The following SLIT2 variants were observed in gnomAD, a reference collection of about 807,000 sequenced individuals.
SLIT2 encodes slit homolog 2 protein.
In SLIT2, 41 loss-of-function variants were observed where a neutral mutation model predicts 185.7. That is an observed-to-expected ratio of 0.22 (90% CI 0.17 to 0.29). The LOEUF is 0.29. Among genes scored for constraint, SLIT2 ranks in the 10% least tolerant of loss-of-function variants. SLIT2 has a pLI of 1.00. For synonymous variants in SLIT2, 693 were observed against 680.2 expected, an observed-to-expected ratio of 1.02 and a Z score of -0.29; for missense variants, 1,571 against 1,909.0, an observed-to-expected ratio of 0.82 and a Z score of 3.30.
At chr4:20,456,884 A>G (rs1713127834) in intron 4 of SLIT2, among the ~76,000 whole-genome samples, 1 of 152,106 alleles carries the variant, frequency 6.6e-6, no homozygotes, top group Non-Finnish European at 1.5e-5. Context: ...CGGTATTTAT[A>G]TTAACTTACA....
At chr4:20,326,506 A>G (rs1487575663) in intron 4 of SLIT2, among the ~76,000 whole-genome samples, 1 of 151,658 alleles carries the variant, frequency 6.6e-6, no homozygotes, top group East Asian at 1.9e-4. Flanking sequence ...CTCATTTCCA[A>G]CTTTGTGCTT....
intron 4 of SLIT2, among the ~76,000 whole-genome samples, chr4:20,366,820 C>T (rs1560357819): frequency 6.6e-6 from 1 of 150,870 alleles, no homozygotes; most frequent in Non-Finnish European, 1.5e-5. Context: ...ATTTTTGAAA[C>T]AGGGTCTCAC....
At chr4:20,426,459 A>G (rs1250403883) in intron 4 of SLIT2, among the ~76,000 whole-genome samples, 1 of 152,228 alleles carries the variant, frequency 6.6e-6, no homozygotes, top group Non-Finnish European at 1.5e-5. Flanking sequence ...ATATTTCACT[A>G]GATTTAGCAG....
Position 20,524,010 on chromosome 4 carries a change from A to C in SLIT2, c.1275-4A>C. The C allele has an allele frequency of 6.2e-7, 1 of 1,614,146 alleles. No homozygotes were observed. Among genetic ancestry groups the C allele is most frequent in the Admixed American group, 1.7e-5 (1 of 60,032 alleles). ...ATAAAACTGTTCTGTATGTGTTTCC[A>C]AAGGCATTTGGCCCAGAACCCCTTT... is the stretch of plus-strand genomic sequence containing the variant. On this transcript the variant is annotated splice_region_variant and splice_polypyrimidine_tract_variant and intron_variant, in intron 13 of 36. Coordinates refer to ENST00000504154, the MANE Select transcript of SLIT2 (RefSeq NM_004787.4).
intron 4 of SLIT2, among the ~76,000 whole-genome samples, chr4:20,386,004 A>G (rs892450769): frequency 5.3e-5 from 8 of 152,200 alleles, no homozygotes; most frequent in African/African-American, 1.7e-4. Context: ...AATTTCAACT[A>G]GTTATAACGG....
intron 26 of SLIT2, among the ~76,000 whole-genome samples, chr4:20,566,002 C>T (rs1251193621): frequency 3.3e-5 from 5 of 151,942 alleles, no homozygotes; most frequent in Non-Finnish European, 5.9e-5. Context: ...TTCATGTTCT[C>T]TTACATACAT....
chr4:20,374,065 C>G lies in SLIT2; in HGVS notation c.396-93687C>G, dbSNP rs905351572. Among the ~76,000 whole-genome samples the G allele has an allele frequency of 3.3e-5, 5 of 152,058 alleles. No individual in the cohort carries two copies. The East Asian group carries it at 9.7e-4, about 29-fold the overall frequency. On this transcript the variant is annotated intron_variant, in intron 4 of 36. Coordinates refer to ENST00000504154, the MANE Select transcript of SLIT2 (RefSeq NM_004787.4). Reference sequence around the variant, plus strand: ...CTAAGTGTGAATCTTGGCTCAGCCACTTTTGGATTGTGAGTCATTAGCATC... The same window carrying G: ...CTAAGTGTGAATCTTGGCTCAGCCAGTTTTGGATTGTGAGTCATTAGCATC...
chr4:20,343,117 G>A (rs545441634), intron 4 of SLIT2, among the ~76,000 whole-genome samples: 1 of 152,058 alleles, frequency 6.6e-6, no homozygotes, highest in Admixed American at 6.5e-5. Flanking sequence ...ACTGTTGTTA[G>A]CTACTAACAC....
intron 4 of SLIT2, among the ~76,000 whole-genome samples, chr4:20,293,425 A>G (rs1716161425): frequency 6.6e-6 from 1 of 152,188 alleles, no homozygotes; most frequent in African/African-American, 2.4e-5. Context: ...TAGCTGTTGT[A>G]TATTGTATGG....
At chr4:20,365,171 A>T (rs1723015559) in intron 4 of SLIT2, among the ~76,000 whole-genome samples, 1 of 152,114 alleles carries the variant, frequency 6.6e-6, no homozygotes, top group African/African-American at 2.4e-5. Context: ...AAAGTGTTTA[A>T]CTGCTGGACA....
At chr4:20,289,932 C>T (rs1715635713) in intron 4 of SLIT2, among the ~76,000 whole-genome samples, 1 of 152,188 alleles carries the variant, frequency 6.6e-6, no homozygotes. Context: ...TTGCTTTCTT[C>T]ACTCTGCTGT....
intron 36 of SLIT2, among the ~76,000 whole-genome samples, chr4:20,618,502 G>A (rs1729852998): frequency 6.6e-6 from 1 of 152,034 alleles, no homozygotes; most frequent in East Asian, 1.9e-4. Context: ...TTTTTGCAAT[G>A]AAAGAAAATA....
chr4:20,331,322 C>A (rs1408641611), intron 4 of SLIT2, among the ~76,000 whole-genome samples: 1 of 151,984 alleles, frequency 6.6e-6, no homozygotes, highest in Non-Finnish European at 1.5e-5. Flanking sequence ...CCAATTATTG[C>A]TATGAAGTGA....
chr4:20,463,487 A>ATGTGTG (rs1475911442), intron 4 of SLIT2, among the ~76,000 whole-genome samples: 5 of 90,460 alleles, frequency 5.5e-5, no homozygotes, highest in African/African-American at 2.3e-4. Flanking sequence ...ATATATATAT[A>ATGTGTG]TATATGTGTG....
Position 20,278,432 on chromosome 4 carries a change from CTACT to C in SLIT2, c.395+9557_395+9560del, listed in dbSNP as rs373191446. Among the ~76,000 whole-genome samples the C allele has an allele frequency of 3.1e-4, 47 of 152,200 alleles. 1 individual carries two copies. The South Asian group carries it at 3.9e-3, about 13-fold the overall frequency. On this transcript the variant is annotated intron_variant, in intron 4 of 36. Transcript: ENST00000504154. ...GGCACTTTTTATGATGTTATATGCT[CTACT>C]TACTTCTATCAAGTTTCAACCTTTC... is the stretch of plus-strand genomic sequence containing the variant.
intron 12 of SLIT2, among the ~76,000 whole-genome samples, chr4:20,521,151 T>C (rs1056895280): frequency 2.0e-5 from 3 of 152,208 alleles, no homozygotes; most frequent in African/African-American, 7.2e-5. Flanking sequence ...CACCTTCTTT[T>C]TCTTTCCATC....
At chr4:20,527,538 G>A (rs989224524) in intron 15 of SLIT2, among the ~76,000 whole-genome samples, 2 of 152,096 alleles carry the variant, frequency 1.3e-5, no homozygotes, top group Non-Finnish European at 2.9e-5. Context: ...GCCCGCCTTG[G>A]CCTCCCGAAG....
Position 20,620,429 on chromosome 4 carries a change from T to G in SLIT2, c.*1420T>G, listed in dbSNP as rs1018752590. The G allele has an allele frequency of 4.4e-6, 2 of 455,446 alleles. No individual in the cohort carries two copies. The highest frequency in any genetic ancestry group is 4.0e-5 in the African/African-American group (2 of 50,032). 28.2% of individuals were successfully genotyped at this position (455,446 alleles called of 1,614,324 possible). A position where few individuals can be genotyped will look rare whatever the true frequency, so the allele number is the denominator to read the frequency against. ...GGTGCCCTGTAAAGATGCAGATGTT[T>G]CTTCCTGAAAACTTCTTTTTTTACA... is the stretch of plus-strand genomic sequence containing the variant. On this transcript the variant is annotated 3_prime_UTR_variant, in exon 37 of 37. Coordinates refer to ENST00000504154, the MANE Select transcript of SLIT2 (RefSeq NM_004787.4).
At chr4:20,490,609 A>G (rs1252922517) in intron 8 of SLIT2, among the ~76,000 whole-genome samples, 2 of 152,230 alleles carry the variant, frequency 1.3e-5, no homozygotes, top group Admixed American at 6.5e-5. Context: ...ACTTGATGCT[A>G]TTAAATGGTT....
Sources: allele counts gnomAD v4.1 joint callset (sites outside exome capture counted in the v4.1 genomes callset), GRCh38; gene constraint gnomAD v4.1.1; transcripts MANE v1.5; gene names NCBI Gene and HGNC (gene_info 2026-07-23, HGNC 2026-07-21).